The following CARD8 variants were observed in gnomAD, a reference collection of about 807,000 sequenced individuals.
CARD8 encodes the protein caspase recruitment domain family member 8.
A neutral mutation model predicts 53.2 loss-of-function variants in CARD8; 38 were observed. The ratio of observed to expected loss-of-function variants is 0.71; its 90% CI spans 0.55 to 0.94. The LOEUF (loss-of-function observed/expected upper bound fraction) is 0.94, where lower values mean the gene tolerates loss of function less well. Among genes scored for constraint, CARD8 ranks in the 40% least tolerant of loss-of-function variants. The pLI, the probability that CARD8 is intolerant of heterozygous loss-of-function variation, is 0.00. For synonymous variants in CARD8, 245 were observed against 244.9 expected (o/e 1.00, Z 0.00); for missense variants, 561 against 655.5 (o/e 0.86, Z 1.57).
chr19:48,225,754 CAAG>C (rs2145939018), intron 10 of CARD8, among the ~76,000 whole-genome samples: 1 of 151,820 alleles, frequency 6.6e-6, no homozygotes, highest in East Asian at 1.9e-4. Flanking sequence ...TCTAGGGTCA[CAAG>C]AAGTCATGGC....
intron 12 of CARD8, 92 bp downstream of exon 12, chr19:48,218,779 G>A: frequency 7.4e-7 from 1 of 1,349,768 alleles, no homozygotes; most frequent in Non-Finnish European, 1.0e-6. Context: ...CTCTGGGAAA[G>A]AACCATAAAC....
chr19:48,226,419 T>C (rs1453487812), intron 10 of CARD8, among the ~76,000 whole-genome samples: 1 of 152,078 alleles, frequency 6.6e-6, no homozygotes, highest in East Asian at 1.9e-4. Flanking sequence ...CAGATGGGGT[T>C]TCACCATATT....
At chr19:48,207,394 C>G (rs2037396287), downstream of CARD8, among the ~76,000 whole-genome samples, 1 of 152,098 alleles carries the variant, frequency 6.6e-6, no homozygotes, top group Non-Finnish European at 1.5e-5. Flanking sequence ...ACCTAACCAA[C>G]AGCAGAACTT....
Position 48,215,358 on chromosome 19 carries a change from C to T in CARD8, c.1330G>A (p.Ala444Thr). 1 of 1,611,364 alleles carries T rather than the reference C, an allele frequency of 6.2e-7. No homozygotes were observed. Among genetic ancestry groups the T allele is most frequent in the Non-Finnish European group, 8.5e-7 (1 of 1,177,692 alleles). The change falls in exon 13 of 14, where the codon GCC becomes ACC. Residue 444 changes from alanine to threonine, a missense_variant. Physicochemically the swap from Ala to Thr is moderately conservative, Grantham distance 58. Coordinates refer to ENST00000651546, the MANE Select transcript of CARD8 (RefSeq NM_001184900.3). Reference protein sequence around the residue: ...PVDLQLVAASAPPPFSGAAFV... With the variant: ...PVDLQLVAASTPPPFSGAAFV... The stretch of plus-strand genomic sequence containing the variant: ...CACTTACCTGAGAAAGGAGGAGGGG[C>T]TGATGCAGCTACAAGCTGGAGATCC...
At position 48,234,415 on chromosome 19, in the gene CARD8, C is replaced by A. The variant is rs749588755; in HGVS notation, c.338G>T (p.Gly113Val). ...RAVPECQLSG[G>V]DIPSVSEEQE... The stretch of plus-strand genomic sequence containing the variant: ...TAGCTTTTCTTACCTGGGAATGTCC[C>A]CCCCAGATAGTTGACACTCAGGAAC... Residue 113 changes from glycine to valine, a missense_variant, in exon 6 of 14, where the codon GGG becomes GTG. Coordinates refer to ENST00000651546, the MANE Select transcript of CARD8 (RefSeq NM_001184900.3). 6.2e-7 allele frequency: 1 copy of A among 1,612,272 alleles called. No individual in the cohort carries two copies. The highest frequency in any genetic ancestry group is 1.1e-5 in the South Asian group (1 of 90,798).
intron 5 of CARD8, among the ~76,000 whole-genome samples, chr19:48,237,046 G>A (rs563714511): frequency 6.6e-6 from 1 of 152,240 alleles, no homozygotes; most frequent in South Asian, 2.1e-4. Context: ...AAAGTGCTGG[G>A]ATTACAGGAG....
At position 48,211,789 on chromosome 19, in the gene CARD8, A is replaced by G. The variant is rs2038019170; in HGVS notation, c.1535T>C (p.Leu512Pro). ...LLSMVEKKGD[L>P]ALDVLFRSIS... The stretch of plus-strand genomic sequence containing the variant: ...GCTTCTGAAGAGCACGTCCAGGGCC[A>G]GGTCCCCTTTCTTCTCCACCATGCT... The change falls in exon 14 of 14, where the codon CTG becomes CCG. Residue 512 changes from leucine to proline, a missense_variant. Coordinates refer to ENST00000651546, the MANE Select transcript of CARD8 (RefSeq NM_001184900.3). The G allele has an allele frequency of 1.2e-6, 2 of 1,614,076 alleles. No individual in the cohort carries two copies. Among genetic ancestry groups the G allele is most frequent in the Non-Finnish European group, 1.7e-6 (2 of 1,180,036 alleles).
intron 12 of CARD8, among the ~76,000 whole-genome samples, chr19:48,217,814 CA>C (rs2039643691): frequency 1.3e-5 from 2 of 152,136 alleles, no homozygotes; most frequent in Admixed American, 1.3e-4. Flanking sequence ...AGATCTTTGG[CA>C]AATTGTCTGG....
intron 5 of CARD8, chr19:48,238,181 G>A: frequency 1.1e-6 from 1 of 932,698 alleles, no homozygotes; most frequent in Non-Finnish European, 1.5e-6. Context: ...GTGAGCCACT[G>A]GGCTCAGACC....
chr19:48,250,482 A>G (rs1431971454), intron 1 of CARD8, among the ~76,000 whole-genome samples: 1 of 152,030 alleles, frequency 6.6e-6, no homozygotes, highest in Non-Finnish European at 1.5e-5. Context: ...TCCTGGCTTT[A>G]TTTGTCAGGG....
chr19:48,223,166 T>A (rs1186931206), intron 10 of CARD8, among the ~76,000 whole-genome samples: 1 of 151,632 alleles, frequency 6.6e-6, no homozygotes, highest in Non-Finnish European at 1.5e-5. Flanking sequence ...TAGCTGGGCG[T>A]GGTGGTGAGT....
At chr19:48,236,573 G>A (rs7252898) in intron 5 of CARD8, among the ~76,000 whole-genome samples, 43,703 of 151,980 alleles carry the variant, frequency 0.29, 6,534 homozygotes, top group Admixed American at 0.36. Flanking sequence ...GGTCCCCGGC[G>A]TGCAGCACTG....
At chr19:48,222,635 G>A (rs2040891969) in intron 10 of CARD8, among the ~76,000 whole-genome samples, 1 of 151,760 alleles carries the variant, frequency 6.6e-6, no homozygotes, top group South Asian at 2.1e-4. Flanking sequence ...ATTGCAGTGA[G>A]CCGAGATTGC....
chr19:48,220,512 T>C (rs1473037789), intron 11 of CARD8, among the ~76,000 whole-genome samples: 1 of 152,190 alleles, frequency 6.6e-6, no homozygotes, highest in Non-Finnish European at 1.5e-5. Context: ...TGTTTTCCCA[T>C]TAAAACTGGA....
chr19:48,229,136 CAAAAAAGA>C (rs1237421620), intron 10 of CARD8, among the ~76,000 whole-genome samples: 1 of 151,144 alleles, frequency 6.6e-6, no homozygotes, highest in East Asian at 1.9e-4. Context: ...GACTCTGTCT[CAAAAAAGA>C]AAAAAAGAAA....
intron 3 of CARD8, among the ~76,000 whole-genome samples, chr19:48,245,870 T>G (rs556196794): frequency 1.3e-5 from 2 of 148,718 alleles, no homozygotes; most frequent in South Asian, 4.2e-4. Flanking sequence ...TAATATATTA[T>G]ATATAATATA....
intron 5 of CARD8, among the ~76,000 whole-genome samples, chr19:48,237,497 G>T (rs764552907): frequency 6.6e-6 from 1 of 151,960 alleles, no homozygotes; most frequent in African/African-American, 2.4e-5. Flanking sequence ...TATCGCTATT[G>T]TTACAGGAAG....
chr19:48,223,332 C>G (rs1431581484), intron 10 of CARD8, among the ~76,000 whole-genome samples: 1 of 151,420 alleles, frequency 6.6e-6, no homozygotes, highest in African/African-American at 2.4e-5. Flanking sequence ...AAAGAAATGT[C>G]AGCAGATCTC....
At chr19:48,234,321 C>A in intron 6 of CARD8, 82 bp downstream of exon 6, 1 of 1,417,188 alleles carries the variant, frequency 7.1e-7, no homozygotes. Flanking sequence ...TGAAAAACAC[C>A]CAAATTCCTC....
Sources: allele counts gnomAD v4.1 joint callset (sites outside exome capture counted in the v4.1 genomes callset), GRCh38; gene constraint gnomAD v4.1.1; transcripts MANE v1.5; gene names NCBI Gene and HGNC (gene_info 2026-07-23, HGNC 2026-07-21).